Variants in AKT3 observed in about 807,000 individuals in gnomAD.
The protein encoded by AKT3 is RAC-gamma serine/threonine-protein kinase.
Under a neutral mutation model 65.3 loss-of-function variants are expected in AKT3, and 15 were observed. That is an observed-to-expected ratio of 0.23 (90% CI 0.15 to 0.35). The LOEUF is 0.35. Ranked by LOEUF, AKT3 falls within the 10% of genes least tolerant of loss-of-function variation. The pLI, the probability that AKT3 is intolerant of heterozygous loss-of-function variation, is 1.00. For missense variants in AKT3, 243 were observed against 576.5 expected, an observed-to-expected ratio of 0.42 and a Z score of 5.92; for synonymous variants, 206 against 183.8, an observed-to-expected ratio of 1.12 and a Z score of -0.98.
At chr1:243,815,228 A>C (rs2148408345) in intron 2 of AKT3, among the ~76,000 whole-genome samples, 1 of 152,306 alleles carries the variant, frequency 6.6e-6, no homozygotes, top group South Asian at 2.1e-4. Flanking sequence ...TTTTATACAT[A>C]AGTAGCAAGA....
At chr1:243,635,856 T>C (rs1679934998) in intron 6 of AKT3, among the ~76,000 whole-genome samples, 1 of 152,056 alleles carries the variant, frequency 6.6e-6, no homozygotes, top group African/African-American at 2.4e-5. Flanking sequence ...CCAGGTCTTG[T>C]CACACTCCAA....
At chr1:243,556,344 C>A (rs143114776) in intron 10 of AKT3, among the ~76,000 whole-genome samples, 1 of 151,800 alleles carries the variant, frequency 6.6e-6, no homozygotes, top group Non-Finnish European at 1.5e-5. Context: ...ATGATACTAC[C>A]AATTCAAGTT....
chr1:243,640,803 T>A (rs1374462640), intron 5 of AKT3, among the ~76,000 whole-genome samples: 1 of 152,238 alleles, frequency 6.6e-6, no homozygotes, highest in Non-Finnish European at 1.5e-5. Flanking sequence ...TCATGAGATA[T>A]TTACATGGCT....
At chr1:243,507,068 CT>C (rs1669715188) in intron 13 of AKT3, among the ~76,000 whole-genome samples, 4 of 152,344 alleles carry the variant, frequency 2.6e-5, no homozygotes, top group Admixed American at 2.6e-4. Context: ...TCACCAACAG[CT>C]TTATTTTACT....
chr1:243,591,515 A>G (rs547031384), intron 8 of AKT3, among the ~76,000 whole-genome samples: 2 of 152,342 alleles, frequency 1.3e-5, no homozygotes, highest in East Asian at 3.9e-4. Flanking sequence ...CATCCAATAA[A>G]AAATTAACGG....
intron 6 of AKT3, among the ~76,000 whole-genome samples, chr1:243,620,169 T>C (rs1216371413): frequency 2.0e-5 from 2 of 97,710 alleles, no homozygotes; most frequent in African/African-American, 5.3e-5. Context: ...GGAGCTCTGA[T>C]GGTTTTATAA....
chr1:243,514,285 G>C (rs1670204342), intron 12 of AKT3, among the ~76,000 whole-genome samples: 1 of 152,106 alleles, frequency 6.6e-6, no homozygotes, highest in South Asian at 2.1e-4. Context: ...CTTCAAGTTA[G>C]GGGAAACTTG....
In AKT3 at chr1:243,502,277, T is replaced by C. The variant is rs1669363262; in HGVS notation, c.*2972A>G. The C allele has an allele frequency of 4.3e-6, 1 of 232,706 alleles. No individual in the cohort carries two copies. The highest frequency in any genetic ancestry group is 5.6e-5 in the Admixed American group (1 of 17,766). 14.4% of individuals were successfully genotyped at this position (232,706 alleles called of 1,614,324 possible). On this transcript the variant is annotated 3_prime_UTR_variant, in exon 14 of 14. Coordinates refer to ENST00000673466, the MANE Select transcript of AKT3 (RefSeq NM_005465.7). Reference sequence around the variant, plus strand: ...AAGGAAGGCCCTTACTTTTGTACTCTAGGAGAAGCAAGTGGCCCCTGCAAG... The same window carrying C: ...AAGGAAGGCCCTTACTTTTGTACTCCAGGAGAAGCAAGTGGCCCCTGCAAG...
chr1:243,826,930 CAAATT>C (rs1043961132), intron 2 of AKT3, among the ~76,000 whole-genome samples: 6 of 151,894 alleles, frequency 4.0e-5, no homozygotes, highest in African/African-American at 1.5e-4. Flanking sequence ...AAACCCGGGA[CAAATT>C]AAATTAAATG....
chr1:243,745,277 T>C (rs768729187), intron 2 of AKT3, among the ~76,000 whole-genome samples: 6 of 152,106 alleles, frequency 3.9e-5, no homozygotes, highest in Non-Finnish European at 7.4e-5. Flanking sequence ...GAGGTTGAGG[T>C]TGCAGTGAGC....
downstream of AKT3, among the ~76,000 whole-genome samples, chr1:243,495,402 G>C (rs114805962): frequency 4.6e-3 from 699 of 152,318 alleles, 8 homozygotes; most frequent in Non-Finnish European, 6.4e-3. Context: ...GCAAAGCCAA[G>C]CCCTGCGGTG....
At chr1:243,785,565 T>C (rs1314915831) in intron 2 of AKT3, among the ~76,000 whole-genome samples, 4 of 152,246 alleles carry the variant, frequency 2.6e-5, no homozygotes, top group African/African-American at 9.6e-5. Flanking sequence ...CTCTCATGTT[T>C]CTTTCACATG....
intron 2 of AKT3, among the ~76,000 whole-genome samples, chr1:243,795,404 G>T (rs1222941346): frequency 6.6e-6 from 1 of 150,828 alleles, no homozygotes; most frequent in Non-Finnish European, 1.5e-5. Flanking sequence ...GAGGAAGAGA[G>T]CTAACACTTC....
intron 6 of AKT3, among the ~76,000 whole-genome samples, chr1:243,626,550 G>A (rs1019425996): frequency 1.3e-5 from 2 of 152,132 alleles, no homozygotes; most frequent in Non-Finnish European, 2.9e-5. Context: ...TCAGGATGAG[G>A]ACTGACACAG....
At chr1:243,849,002 A>C (rs1049558221) in intron 1 of AKT3, among the ~76,000 whole-genome samples, 4 of 152,208 alleles carry the variant, frequency 2.6e-5, no homozygotes, top group Admixed American at 2.6e-4. Context: ...AAATACCGGT[A>C]TTGGAAAAAC....
rs137917439 is a variant in AKT3, at chr1:243,844,677, C to T, written c.-112-1395G>A. 2.9e-3 allele frequency among the ~76,000 whole-genome samples: 448 copies of T among 152,196 alleles called. 5 individuals carry two copies. Among genetic ancestry groups the T allele is most frequent in the African/African-American group, 0.01 (418 of 41,520 alleles). On this transcript the variant is annotated intron_variant, in intron 1 of 13. Transcript: ENST00000673466. ...AAATTTTTGTGGAGATGGGGTCCCG[C>T]TATATTGTCCACGCTGCACAAATTT...
chr1:243,514,461 C>T (rs1417366770), intron 12 of AKT3, among the ~76,000 whole-genome samples: 1 of 152,156 alleles, frequency 6.6e-6, no homozygotes, highest in Non-Finnish European at 1.5e-5. Context: ...CTATCCTCCC[C>T]CTCACTTTCT....
At chr1:243,642,411 G>A (rs972967471) in intron 5 of AKT3, among the ~76,000 whole-genome samples, 8 of 152,216 alleles carry the variant, frequency 5.3e-5, no homozygotes, top group Non-Finnish European at 4.4e-5. Context: ...CTGAGATCAC[G>A]ACATTCTCCT....
rs989196578 is a variant in AKT3 at position 243,811,648 on chromosome 1, C to T, written c.46+31477G>A. ...TCCCCATCAAGCTACCAATGACTTT[C>T]TTTACAGAATTGGAAAAAACTACTT... On this transcript the variant is annotated intron_variant, in intron 2 of 13. Coordinates refer to ENST00000673466, the MANE Select transcript of AKT3 (RefSeq NM_005465.7). 6.1e-4 allele frequency among the ~76,000 whole-genome samples: 93 copies of T among 152,304 alleles called. 1 individual carries two copies. The highest frequency in any genetic ancestry group is 1.9e-3 in the Admixed American group (29 of 15,304).
Sources: allele counts gnomAD v4.1 joint callset (sites outside exome capture counted in the v4.1 genomes callset), GRCh38; gene constraint gnomAD v4.1.1; transcripts MANE v1.5; gene names NCBI Gene and HGNC (gene_info 2026-07-23, HGNC 2026-07-21).